Variants in GALNT2 observed in about 807,000 individuals in gnomAD.
GALNT2 encodes the protein UDP-GalNAc:polypeptide N-acetylgalactosaminyltransferase 2.
In GALNT2, 31 loss-of-function variants were observed where a neutral mutation model predicts 81.4. The observed-to-expected ratio is 0.38, with a 90% CI of 0.29 to 0.51. The LOEUF is 0.51. GALNT2 is among the 20% of genes least tolerant of loss of function. GALNT2 has a pLI of 0.87. For missense variants in GALNT2, 629 were observed against 765.7 expected (o/e 0.82, Z 2.11); for synonymous variants, 303 against 287.4 (o/e 1.05, Z -0.55).
At chr1:230,265,911 G>A (rs570955793) in intron 14 of GALNT2, among the ~76,000 whole-genome samples, 2 of 152,306 alleles carry the variant, frequency 1.3e-5, no homozygotes, top group African/African-American at 4.8e-5. Flanking sequence ...ATGCACAACC[G>A]CCAGGCGCCG....
intron 1 of GALNT2, among the ~76,000 whole-genome samples, chr1:230,080,183 C>G (rs969731139): frequency 6.6e-6 from 1 of 152,114 alleles, no homozygotes; most frequent in African/African-American, 2.4e-5. Context: ...TTTTGGTGAT[C>G]TAATTTTTTT....
intron 1 of GALNT2, among the ~76,000 whole-genome samples, chr1:230,161,267 G>C (rs918836923): frequency 5.9e-5 from 9 of 152,146 alleles, no homozygotes; most frequent in Non-Finnish European, 7.3e-5. Flanking sequence ...ATTGTCTGGG[G>C]CTCCTCAACT....
intron 1 of GALNT2, among the ~76,000 whole-genome samples, chr1:230,173,330 G>T (rs1005096688): frequency 6.6e-6 from 1 of 152,152 alleles, no homozygotes; most frequent in Non-Finnish European, 1.5e-5. Flanking sequence ...CATTTGGTTG[G>T]CAGGGCATCC....
At chr1:230,185,301 T>TGTGC (rs58770415) in intron 2 of GALNT2, among the ~76,000 whole-genome samples, 1 of 126,012 alleles carries the variant, frequency 7.9e-6, no homozygotes, top group Non-Finnish European at 1.8e-5. Context: ...TGTGTGTGTG[T>TGTGC]GCGCGCGTGT....
chr1:230,072,736 C>T (rs1295098611), intron 1 of GALNT2, among the ~76,000 whole-genome samples: 1 of 152,188 alleles, frequency 6.6e-6, no homozygotes, highest in Non-Finnish European at 1.5e-5. Flanking sequence ...CTTGAGACCC[C>T]CTGAGTGCCC....
At chr1:230,263,681 G>C (rs1665946989) in intron 13 of GALNT2, 1 of 152,274 alleles carries the variant, frequency 6.6e-6, no homozygotes, top group African/African-American at 2.4e-5. Flanking sequence ...AGATCCGCTG[G>C]GGTGGAGGAG....
At chr1:230,258,090 T>C (rs756814515) in intron 11 of GALNT2, among the ~76,000 whole-genome samples, 60 of 152,250 alleles carry the variant, frequency 3.9e-4, no homozygotes, top group Non-Finnish European at 7.4e-4. Context: ...AATTTTTGTA[T>C]TTTTAGTAGA....
chr1:230,133,674 C>T (rs925959463), intron 1 of GALNT2, among the ~76,000 whole-genome samples: 1 of 152,074 alleles, frequency 6.6e-6, no homozygotes, highest in Non-Finnish European at 1.5e-5. Flanking sequence ...AGGCTGGTCT[C>T]GAACTCCTGA....
At chr1:230,157,614 G>A (rs538493555) in intron 1 of GALNT2, among the ~76,000 whole-genome samples, 18 of 152,296 alleles carry the variant, frequency 1.2e-4, no homozygotes, top group Non-Finnish European at 2.4e-4. Flanking sequence ...TGTGGTTTGC[G>A]TACATGGTGG....
At chr1:230,120,317 G>A (rs573395426) in intron 1 of GALNT2, among the ~76,000 whole-genome samples, 4 of 144,776 alleles carry the variant, frequency 2.8e-5, no homozygotes, top group South Asian at 2.2e-4. Context: ...GGTCCAGGAC[G>A]TGCCTATCAG....
At chr1:230,057,881 T>G (rs1571913029), upstream of GALNT2, 2 of 340,284 alleles carry the variant, frequency 5.9e-6, no homozygotes, top group Non-Finnish European at 1.2e-5. Context: ...GCAGGAGGGG[T>G]AGGAAATGGG....
chr1:230,107,642 G>GTGTGTGTGTGTGGT (rs201497295), intron 1 of GALNT2, among the ~76,000 whole-genome samples: 8 of 151,684 alleles, frequency 5.3e-5, no homozygotes, highest in African/African-American at 1.9e-4. Context: ...GTGTGTGTGT[G>GTGTGTGTGTGTGGT]TGGTTGGTTG....
At chr1:230,266,547 C>T (rs1666042178) in intron 14 of GALNT2, among the ~76,000 whole-genome samples, 1 of 152,202 alleles carries the variant, frequency 6.6e-6, no homozygotes, top group Non-Finnish European at 1.5e-5. Flanking sequence ...AAGCTGGGTC[C>T]TCCTCCCAAG....
chr1:230,218,781 T>C (rs1043115947), intron 3 of GALNT2, among the ~76,000 whole-genome samples: 1 of 151,634 alleles, frequency 6.6e-6, no homozygotes, highest in African/African-American at 2.4e-5. Context: ...GTTACCAAAA[T>C]AGGCTTAAAG....
At chr1:230,082,304 A>C (rs1017368081) in intron 1 of GALNT2, among the ~76,000 whole-genome samples, 1 of 152,236 alleles carries the variant, frequency 6.6e-6, no homozygotes, top group Non-Finnish European at 1.5e-5. Flanking sequence ...AATCGGTCAA[A>C]GTGCTGTGTA....
intron 1 of GALNT2, among the ~76,000 whole-genome samples, chr1:230,117,487 C>T (rs146116766): frequency 3.3e-5 from 5 of 152,216 alleles, no homozygotes; most frequent in Non-Finnish European, 4.4e-5. Context: ...TGCCGCTCCT[C>T]CTTTCACTTG....
intron 3 of GALNT2, among the ~76,000 whole-genome samples, chr1:230,232,770 A>G (rs1328414822): frequency 1.3e-5 from 2 of 152,176 alleles, no homozygotes; most frequent in African/African-American, 4.8e-5. Context: ...ACAATCTGCT[A>G]ATTCTTAAAA....
At chr1:230,126,492 C>T (rs1020690920) in intron 1 of GALNT2, among the ~76,000 whole-genome samples, 5 of 152,048 alleles carry the variant, frequency 3.3e-5, no homozygotes, top group East Asian at 1.9e-4. Context: ...TGAGGACTAA[C>T]GGATGCCGAT....
intron 3 of GALNT2, among the ~76,000 whole-genome samples, chr1:230,210,421 C>T (rs1311515639): frequency 6.6e-6 from 1 of 152,142 alleles, no homozygotes; most frequent in African/African-American, 2.4e-5. Context: ...GGGTTTCAAA[C>T]GTTTAGTTAT....
Sources: allele counts gnomAD v4.1 joint callset (sites outside exome capture counted in the v4.1 genomes callset), GRCh38; gene constraint gnomAD v4.1.1; transcripts MANE v1.5; gene names NCBI Gene and HGNC (gene_info 2026-07-23, HGNC 2026-07-21).